TGFBI: variants seen among roughly 807,000 people sequenced by gnomAD.
TGFBI encodes transforming growth factor-beta-induced protein ig-h3.
A neutral mutation model predicts 73.7 loss-of-function variants in TGFBI; 50 were observed. The ratio of observed to expected loss-of-function variants is 0.68; its 90% CI spans 0.54 to 0.86. The LOEUF (loss-of-function observed/expected upper bound fraction) is 0.86. Among genes scored for constraint, TGFBI ranks in the 40% least tolerant of loss-of-function variants. The pLI is 0.00. For synonymous variants in TGFBI, 362 were observed against 360.5 expected (o/e 1.00, Z -0.05); for missense variants, 839 against 877.0 (o/e 0.96, Z 0.55).
rs1396134834 is a variant in TGFBI at position 136,033,842 on chromosome 5, A to G, written c.214A>G (p.Lys72Glu). Residue 72 changes from lysine (K) to glutamate (E), a missense_variant, in exon 2 of 17, where the codon AAA (lysine) becomes GAA (glutamate). By Grantham distance (56) the Lys-to-Glu change is moderately conservative. Transcript: ENST00000442011. ...CAACTGCAAGCAGTGGTACCAAAGG[A>G]AAATCTGTGGCAAATCAACGTGAGT... The part of the protein sequence containing the change: ...FTNCKQWYQR[K>E]ICGKSTVISY... 6.2e-7 allele frequency: 1 copy of G among 1,613,774 alleles called. No homozygotes were observed. Among genetic ancestry groups the G allele is most frequent in the Non-Finnish European group, 8.5e-7 (1 of 1,179,794 alleles).
intron 7 of TGFBI, among the ~76,000 whole-genome samples, chr5:136,050,294 T>G (rs1436729422): frequency 6.8e-6 from 1 of 147,778 alleles, no homozygotes; most frequent in Middle Eastern, 3.3e-3. Context: ...CTTGCACCAC[T>G]GCACTCCAGC....
intron 2 of TGFBI, among the ~76,000 whole-genome samples, chr5:136,042,091 G>A (rs1751349143): frequency 6.6e-6 from 1 of 152,096 alleles, no homozygotes; most frequent in African/African-American, 2.4e-5. Flanking sequence ...AAGTTTGGGG[G>A]GACTTGACCT....
chr5:136,044,689 T>G (rs958085646), intron 3 of TGFBI: 1 of 152,646 alleles, frequency 6.6e-6, no homozygotes. Context: ...AAAGACAGCA[T>G]GGCACCTGTG....
rs758987486 is a variant in TGFBI, at chr5:136,054,723, C to A, written c.1272C>A (p.Thr424=). The change falls in exon 10 of 17, where the codon ACC becomes ACA. Residue 424 remains threonine, a synonymous_variant. Transcript: ENST00000442011. The stretch of plus-strand genomic sequence containing the variant: ...CATCACCCTTTCTTGTAGATGGAAC[C>A]CCTCCAATTGATGCCCATACAAGGA... ...APLNSVFKDG[T]PPIDAHTRNL... 14 of 1,613,926 alleles carry A rather than the reference C, an allele frequency of 8.7e-6. No individual in the cohort carries two copies. The highest frequency in any genetic ancestry group is 1.2e-5 in the Non-Finnish European group (14 of 1,179,878).
chr5:136,032,252 C>A (rs982827593), intron 1 of TGFBI, among the ~76,000 whole-genome samples: 1 of 152,150 alleles, frequency 6.6e-6, no homozygotes, highest in Admixed American at 6.5e-5. Flanking sequence ...CTTCACTTCT[C>A]TTGTCCCTAG....
chr5:136,049,981 G>A (rs527545993), intron 7 of TGFBI, among the ~76,000 whole-genome samples: 2 of 152,186 alleles, frequency 1.3e-5, no homozygotes, highest in African/African-American at 2.4e-5. Context: ...TCATGCCCAC[G>A]CTTCACTATT....
chr5:136,062,648 T>C lies in TGFBI; in HGVS notation c.1987-15T>C. 1 of 1,561,004 alleles carries C rather than the reference T, an allele frequency of 6.4e-7. No individual in the cohort carries two copies. The highest frequency in any genetic ancestry group is 2.4e-5 in the East Asian group (1 of 42,238). On this transcript the variant is annotated splice_polypyrimidine_tract_variant and intron_variant, in intron 15 of 16. Coordinates refer to ENST00000442011, the MANE Select transcript of TGFBI (RefSeq NM_000358.3). The stretch of plus-strand genomic sequence containing the variant: ...ACTTTCACTAGAAAACCTGACACCT[T>C]GTGTTTTCTTTCAGGCTTCCCAGAG...
rs1449140577 is a variant in TGFBI, at chr5:136,055,793, C to G, written c.1524C>G (p.Val508=). The change falls in exon 11 of 17, where the codon GTC becomes GTG. Residue 508 remains valine (V), a synonymous_variant. Transcript: ENST00000442011. ...LTPPMGTVMD[V]LKGDNRFSML... ...CCCCAATGGGGACTGTCATGGATGT[C>G]CTGAAGGGAGACAATCGCTTTAGGT... 1 of 1,609,926 alleles carries G rather than the reference C, an allele frequency of 6.2e-7. No individual in the cohort carries two copies. The highest frequency in any genetic ancestry group is 8.5e-7 in the Non-Finnish European group (1 of 1,177,062).
chr5:136,061,689 T>C (rs886696796), intron 15 of TGFBI, 110 bp downstream of exon 15: 6 of 867,336 alleles, frequency 6.9e-6, no homozygotes, highest in Middle Eastern at 2.6e-4. Flanking sequence ...CCCAGGGCTC[T>C]CTTAAAACTT....
At chr5:136,046,826 A>G (rs1270429177) in intron 4 of TGFBI, 25 bp from the exon 5 acceptor site, 1 of 1,606,562 alleles carries the variant, frequency 6.2e-7, no homozygotes, top group African/African-American at 1.3e-5. Flanking sequence ...GCAGCCCCTA[A>G]CTGACACCCT....
At chr5:136,040,845 G>A (rs1044774588) in intron 2 of TGFBI, among the ~76,000 whole-genome samples, 6 of 152,174 alleles carry the variant, frequency 3.9e-5, no homozygotes, top group Non-Finnish European at 2.9e-5. Flanking sequence ...CTGGAGGAAT[G>A]GCATCAGACC....
chr5:136,049,644 T>C (rs1000569318), intron 7 of TGFBI, 64 bp downstream of exon 7: 2 of 1,553,776 alleles, frequency 1.3e-6, no homozygotes. Flanking sequence ...CAAGACCTGC[T>C]CTGGTCCAAG....
At chr5:136,056,859 A>G (rs1459078893) in intron 12 of TGFBI, 64 bp downstream of exon 12, 5 of 1,531,832 alleles carry the variant, frequency 3.3e-6, no homozygotes, top group Admixed American at 4.1e-5. Context: ...GGGCCCCAGC[A>G]GCAAACAGTT....
At chr5:136,062,759 C>T (rs1751771182) in intron 16 of TGFBI, 72 bp downstream of exon 16, 1 of 1,469,988 alleles carries the variant, frequency 6.8e-7, no homozygotes, top group Middle Eastern at 2.0e-4. Context: ...CCAAGCCTGC[C>T]ATCTGCTGTA....
chr5:136,050,939 A>G (rs112598442), intron 7 of TGFBI, among the ~76,000 whole-genome samples: 47 of 152,264 alleles, frequency 3.1e-4, no homozygotes, highest in African/African-American at 7.9e-4. Context: ...GAAACTTAAG[A>G]CCTAGTAGAA....
rs369055131 is a variant in TGFBI at position 136,054,191 on chromosome 5, C to T, written c.1264+111C>T. ...AGCACCCCATGGGACATTAGAACTTCCACTCAGCTCAACCAAAAGCAGATG... is the reference window on the plus strand; with the variant it reads ...AGCACCCCATGGGACATTAGAACTTTCACTCAGCTCAACCAAAAGCAGATG... On this transcript the variant is annotated intron_variant, in intron 9 of 16. Transcript: ENST00000442011. 612 of 1,418,036 alleles carry T rather than the reference C, an allele frequency of 4.3e-4. 10 individuals carry two copies. In the South Asian group the frequency reaches 7.9e-3, roughly 18 times the overall value. The allele number at this position is 1,418,036 out of a possible 1,614,324, so 87.8% of individuals were successfully genotyped here.
intron 2 of TGFBI, 86 bp downstream of exon 2, chr5:136,033,947 C>G: frequency 1.7e-6 from 2 of 1,156,390 alleles, no homozygotes; most frequent in Non-Finnish European, 2.6e-6. Context: ...TCTAGAAGGT[C>G]AGGTTGCCTA....
chr5:136,047,662 A>G (rs1001581985), intron 6 of TGFBI: 2 of 522,826 alleles, frequency 3.8e-6, no homozygotes, highest in Non-Finnish European at 6.8e-6. Context: ...TGGAAAGGTC[A>G]GTGGTGTGTG....
intron 7 of TGFBI, among the ~76,000 whole-genome samples, chr5:136,050,626 ACC>A (rs911015454): frequency 1.1e-3 from 165 of 152,246 alleles, no homozygotes; most frequent in African/African-American, 3.7e-3. Flanking sequence ...TCTCTGATGT[ACC>A]CCACCACACT....
Sources: allele counts gnomAD v4.1 joint callset (sites outside exome capture counted in the v4.1 genomes callset), GRCh38; gene constraint gnomAD v4.1.1; transcripts MANE v1.5; gene names NCBI Gene and HGNC (gene_info 2026-07-23, HGNC 2026-07-21).